NDST4: variants seen among roughly 807,000 people sequenced by gnomAD.
NDST4 encodes the protein N-heparan sulfate sulfotransferase 4.
NDST4 carries 63 observed loss-of-function variants against 100.8 expected under a neutral mutation model. That is an observed-to-expected ratio of 0.62 (90% CI 0.51 to 0.77). The LOEUF (loss-of-function observed/expected upper bound fraction) is 0.77, where lower values mean the gene tolerates loss of function less well. Among genes scored for constraint, NDST4 ranks in the 30% least tolerant of loss-of-function variants. The probability of loss-of-function intolerance (pLI) is 0.00; values close to 1 mark genes in which losing one functional copy is unlikely to be tolerated. For synonymous variants in NDST4, 377 were observed against 361.8 expected (o/e 1.04, Z -0.48); for missense variants, 943 against 1,018.4 (o/e 0.93, Z 1.01).
chr4:114,832,323 G>T (rs936937487), intron 12 of NDST4, among the ~76,000 whole-genome samples: 2 of 152,136 alleles, frequency 1.3e-5, no homozygotes, highest in Non-Finnish European at 2.9e-5. Context: ...TGCTTTTCCT[G>T]TTCCTCTGTT....
chr4:114,906,973 A>G (rs757868362), intron 6 of NDST4, among the ~76,000 whole-genome samples: 1 of 152,098 alleles, frequency 6.6e-6, no homozygotes, highest in Non-Finnish European at 1.5e-5. Context: ...TATTTTCTTC[A>G]AAACTGTATC....
At chr4:114,936,546 T>C (rs1725632656) in intron 5 of NDST4, among the ~76,000 whole-genome samples, 1 of 152,202 alleles carries the variant, frequency 6.6e-6, no homozygotes, top group Non-Finnish European at 1.5e-5. Context: ...AAACCAATGC[T>C]CTGATCTTGG....
At chr4:115,109,036 GAAGGAAGGAAGGAAGA>G (rs1457089424) in intron 1 of NDST4, among the ~76,000 whole-genome samples, 1 of 148,826 alleles carries the variant, frequency 6.7e-6, no homozygotes, top group Non-Finnish European at 1.5e-5. Context: ...AGGGAAAAGG[GAAGGAAGGAAGGAAGA>G]AAGGAAGGGA....
chr4:115,081,243 A>G (rs570117465), intron 1 of NDST4, among the ~76,000 whole-genome samples: 21 of 152,294 alleles, frequency 1.4e-4, no homozygotes, highest in Admixed American at 1.2e-3. Context: ...TGTGTTTTCA[A>G]TGTAGGTGTT....
At position 114,845,841 on chromosome 4, in the gene NDST4, C is replaced by T. The variant is rs1381106537; in HGVS notation, c.2097G>A (p.Arg699=). The T allele has an allele frequency of 1.2e-6, 2 of 1,613,184 alleles. No homozygotes were observed. Among genetic ancestry groups the T allele is most frequent in the Admixed American group, 1.7e-5 (1 of 59,992 alleles). The part of the protein sequence containing the change: ...IITILIDPSD[R]AYSWYQHQRS... ...ACCATACCTGGTACCAAGAGTATGC[C>T]CTGTCTGAGGGGTCAATGAGGATGG... The change falls in exon 10 of 14, where the codon AGG becomes AGA. Residue 699 remains arginine (R), a synonymous_variant. Transcript: ENST00000264363.
rs748295914 is a variant in NDST4 at position 115,022,436 on chromosome 4, T to TATATATATGTGTTCCATATATGTGTTCC, written c.979-45163_979-45162insGGAACACATATATGGAACACATATATAT. Among the ~76,000 whole-genome samples the TATATATATGTGTTCCATATATGTGTTCC allele has an allele frequency of 2.3e-5, 2 of 86,168 alleles. 1 individual carries two copies. Among genetic ancestry groups the TATATATATGTGTTCCATATATGTGTTCC allele is most frequent in the Non-Finnish European group, 5.6e-5 (2 of 35,594 alleles). The allele number at this position is 86,168 out of a possible 152,430, so 56.5% of individuals were successfully genotyped here. A position where few individuals can be genotyped will look rare whatever the true frequency, so the allele number is the denominator to read the frequency against. On this transcript the variant is annotated intron_variant, in intron 2 of 13. Coordinates refer to ENST00000264363, the MANE Select transcript of NDST4 (RefSeq NM_022569.3). ...ATGTGTTCCATATATATGTGTTCCA[T>TATATATATGTGTTCCATATATGTGTTCC]ATATATGTGTTCCATATATATGTGT...
chr4:114,968,664 T>A (rs1044366675), intron 4 of NDST4, among the ~76,000 whole-genome samples: 4 of 152,226 alleles, frequency 2.6e-5, no homozygotes, highest in Non-Finnish European at 1.5e-5. Flanking sequence ...AACATTTAAA[T>A]GTAAATTTTA....
intron 2 of NDST4, 25 bp downstream of exon 2, chr4:115,076,034 C>T (rs111799145): frequency 1.1e-5 from 17 of 1,566,916 alleles, no homozygotes; most frequent in East Asian, 2.3e-5. Context: ...ATACAAATTT[C>T]GATGTTGTCT....
At chr4:115,031,213 T>C (rs1207485082) in intron 2 of NDST4, among the ~76,000 whole-genome samples, 4 of 152,090 alleles carry the variant, frequency 2.6e-5, no homozygotes, top group African/African-American at 9.7e-5. Flanking sequence ...GTCTGTTCAT[T>C]TGTTATTCCT....
chr4:114,996,298 G>A (rs1727160861), intron 2 of NDST4, among the ~76,000 whole-genome samples: 2 of 151,996 alleles, frequency 1.3e-5, no homozygotes, highest in Non-Finnish European at 2.9e-5. Context: ...CGCTGCCCCT[G>A]TGAAGAGGTG....
intron 2 of NDST4, among the ~76,000 whole-genome samples, chr4:115,026,230 A>C (rs977985964): frequency 6.6e-6 from 1 of 152,086 alleles, no homozygotes; most frequent in Admixed American, 6.6e-5. Flanking sequence ...GTCAGTAAAA[A>C]GCTCTCAAAA....
chr4:114,966,892 T>C (rs1384826130), intron 4 of NDST4, among the ~76,000 whole-genome samples: 10 of 152,070 alleles, frequency 6.6e-5, no homozygotes, highest in Admixed American at 5.2e-4. Flanking sequence ...CTAAAAACTT[T>C]GTAGTTTAGA....
At chr4:114,950,351 T>A (rs774875560) in intron 4 of NDST4, among the ~76,000 whole-genome samples, 18 of 152,094 alleles carry the variant, frequency 1.2e-4, no homozygotes, top group Non-Finnish European at 2.1e-4. Context: ...AAGGGTATAG[T>A]AGGTCACCTA....
At chr4:115,094,365 G>T (rs506851) in intron 1 of NDST4, among the ~76,000 whole-genome samples, 117,857 of 151,994 alleles carry the variant, frequency 0.78, 46,359 homozygotes, top group African/African-American at 0.89. Context: ...ACAATCTGTT[G>T]TCAGAGAAAT....
rs974675135 is a variant in NDST4, at chr4:114,829,816, G to A, written c.2473C>T (p.Arg825Ter). ...TCTGGATCCATAGGTGGATATTTTCGGCCTTTGCTTTTTCCAAGGCATTTT... is the reference window on the plus strand; with the variant it reads ...TCTGGATCCATAGGTGGATATTTTCAGCCTTTGCTTTTTCCAAGGCATTTT... Reference protein sequence around the residue: ...KTKCLGKSKGRKYPPMDPESR... With the variant: ...KTKCLGKSKG Residue 825 changes from arginine to a stop codon, truncating the protein, a stop_gained, in exon 13 of 14, where the codon CGA (arginine) becomes TGA (stop). Transcript: ENST00000264363. LOFTEE classifies it high-confidence loss of function. 1.2e-5 allele frequency: 20 copies of A among 1,610,592 alleles called. No individual in the cohort carries two copies. Among genetic ancestry groups the A allele is most frequent in the Admixed American group, 5.1e-5 (3 of 58,932 alleles).
intron 4 of NDST4, among the ~76,000 whole-genome samples, chr4:114,956,372 AG>A (rs1382200007): frequency 2.0e-5 from 3 of 152,184 alleles, no homozygotes; most frequent in Non-Finnish European, 4.4e-5. Context: ...TTTCAGCCTA[AG>A]CTCACTCTCA....
intron 11 of NDST4, among the ~76,000 whole-genome samples, chr4:114,838,747 C>T (rs1315681185): frequency 6.6e-6 from 1 of 150,574 alleles, no homozygotes; most frequent in African/African-American, 2.4e-5. Flanking sequence ...AGCGAACCAC[C>T]GTGGCACATG....
At chr4:115,020,349 C>A (rs550064032) in intron 2 of NDST4, among the ~76,000 whole-genome samples, 4 of 152,028 alleles carry the variant, frequency 2.6e-5, no homozygotes, top group African/African-American at 7.2e-5. Flanking sequence ...TTAATTGTAT[C>A]GAAGTCCAAA....
Position 114,829,800 on chromosome 4 carries a change from A to G in NDST4, c.2489T>C (p.Met830Thr), listed in dbSNP as rs1004184963. 3 of 1,609,560 alleles carry G rather than the reference A, an allele frequency of 1.9e-6. No homozygotes were observed. Among genetic ancestry groups the G allele is most frequent in the Non-Finnish European group, 2.5e-6 (3 of 1,178,732 alleles). ...GKSKGRKYPP[M>T]DPESRTFLSN... ...TTAAAAAATTATTACCTCTGGATCC[A>G]TAGGTGGATATTTTCGGCCTTTGCT... Residue 830 changes from methionine (M) to threonine (T), a missense_variant, in exon 13 of 14, where the codon ATG becomes ACG. Physicochemically the swap from Met to Thr is moderately conservative, Grantham distance 81. Around this residue, in one of 2 missense-constraint regions of NDST4, gnomAD observed 526 missense variants for 634.1 expected, o/e 0.83. Transcript: ENST00000264363.
Sources: allele counts gnomAD v4.1 joint callset (sites outside exome capture counted in the v4.1 genomes callset), GRCh38; gene constraint gnomAD v4.1.1; regional missense constraint gnomAD v4.1.1; transcripts MANE v1.5; gene names NCBI Gene and HGNC (gene_info 2026-07-23, HGNC 2026-07-21).